LMX1A: variants seen among roughly 807,000 people sequenced by gnomAD.
LMX1A encodes the protein LIM homeobox transcription factor 1 alpha, also known as LIM homeobox transcription factor 1-alpha.
A neutral mutation model predicts 49.1 loss-of-function variants in LMX1A; 15 were observed. The observed-to-expected ratio is 0.31, with a 90% CI of 0.20 to 0.47. The LOEUF (loss-of-function observed/expected upper bound fraction) is 0.47, where lower values mean the gene tolerates loss of function less well. Among genes scored for constraint, LMX1A ranks in the 20% least tolerant of loss-of-function variants. The probability of loss-of-function intolerance (pLI) is 1.00; values close to 1 mark genes in which losing one functional copy is unlikely to be tolerated. For synonymous variants in LMX1A, 167 were observed against 185.7 expected (o/e 0.90, Z 0.82); for missense variants, 372 against 475.8 (o/e 0.78, Z 2.03).
intron 3 of LMX1A, among the ~76,000 whole-genome samples, chr1:165,335,826 G>A (rs1655880792): frequency 6.6e-6 from 1 of 151,696 alleles, no homozygotes; most frequent in South Asian, 2.1e-4. Flanking sequence ...TCTGATGTAT[G>A]TTTTTACTTT....
intron 3 of LMX1A, among the ~76,000 whole-genome samples, chr1:165,347,204 G>C (rs200782211): frequency 6.6e-6 from 1 of 152,132 alleles, no homozygotes; most frequent in African/African-American, 2.4e-5. Flanking sequence ...GGGAAAAAAG[G>C]CATCTTTTCT....
intron 3 of LMX1A, among the ~76,000 whole-genome samples, chr1:165,287,797 AACAG>A (rs937793129): frequency 6.6e-6 from 1 of 152,212 alleles, no homozygotes; most frequent in African/African-American, 2.4e-5. Context: ...AAAAATTAAA[AACAG>A]ACTGACGTAC....
intron 3 of LMX1A, among the ~76,000 whole-genome samples, chr1:165,279,243 C>T (rs947601884): frequency 6.6e-6 from 1 of 152,142 alleles, no homozygotes; most frequent in Non-Finnish European, 1.5e-5. Context: ...GAGAAATAAG[C>T]GGGTGGAGAC....
intron 3 of LMX1A, among the ~76,000 whole-genome samples, chr1:165,251,135 T>G (rs1440622759): frequency 6.7e-6 from 1 of 150,036 alleles, no homozygotes; most frequent in Non-Finnish European, 1.5e-5. Context: ...CAAGCTGGAG[T>G]GCAGTGGCGT....
chr1:165,348,918 C>A (rs1656331674), intron 3 of LMX1A, among the ~76,000 whole-genome samples: 1 of 152,160 alleles, frequency 6.6e-6, no homozygotes, highest in South Asian at 2.1e-4. Context: ...GAAAATTGGT[C>A]TTCTCCAAAA....
At chr1:165,275,547 A>G (rs889537672) in intron 3 of LMX1A, among the ~76,000 whole-genome samples, 3 of 152,032 alleles carry the variant, frequency 2.0e-5, no homozygotes, top group Non-Finnish European at 2.9e-5. Context: ...ATATATCCCT[A>G]CTGGGTTCCC....
chr1:165,319,086 G>A (rs536755219), intron 3 of LMX1A, among the ~76,000 whole-genome samples: 3 of 150,326 alleles, frequency 2.0e-5, no homozygotes, highest in Admixed American at 6.6e-5. Flanking sequence ...ACATGATAAA[G>A]AATGGCAATC....
intron 4 of LMX1A, among the ~76,000 whole-genome samples, chr1:165,237,090 C>T (rs976118291): frequency 1.3e-5 from 2 of 152,180 alleles, no homozygotes; most frequent in Non-Finnish European, 2.9e-5. Context: ...TCTATGTGTT[C>T]CACACCCCAA....
intron 3 of LMX1A, among the ~76,000 whole-genome samples, chr1:165,288,199 G>A (rs1654351597): frequency 6.6e-6 from 1 of 152,182 alleles, no homozygotes; most frequent in Non-Finnish European, 1.5e-5. Flanking sequence ...AGCTCTCCTG[G>A]GTTGGGCCTG....
At chr1:165,344,724 A>T (rs546442662) in intron 3 of LMX1A, among the ~76,000 whole-genome samples, 13 of 152,230 alleles carry the variant, frequency 8.5e-5, no homozygotes, top group Non-Finnish European at 1.5e-4. Context: ...AGCTCTTTAA[A>T]TCCAGGCCAT....
chr1:165,321,461 C>A (rs2101744248), intron 3 of LMX1A, among the ~76,000 whole-genome samples: 1 of 152,178 alleles, frequency 6.6e-6, no homozygotes, highest in Middle Eastern at 3.4e-3. Context: ...GTTTTGATTC[C>A]TCTCTCCTCT....
At chr1:165,204,412 A>T (rs1359346803) in intron 8 of LMX1A, among the ~76,000 whole-genome samples, 1 of 152,210 alleles carries the variant, frequency 6.6e-6, no homozygotes, top group African/African-American at 2.4e-5. Context: ...CAAAAAAACA[A>T]AACAAAAAGA....
intron 4 of LMX1A, among the ~76,000 whole-genome samples, chr1:165,229,809 T>G (rs1652177860): frequency 6.6e-6 from 1 of 152,144 alleles, no homozygotes; most frequent in Non-Finnish European, 1.5e-5. Flanking sequence ...TGGTTGTTAG[T>G]GGAGGGGGGC....
At position 165,250,250 on chromosome 1, in the gene LMX1A, TA is replaced by T. The variant is rs761830465; in HGVS notation, c.264-611del. Among the ~76,000 whole-genome samples, 417 of 151,002 alleles carry T rather than the reference TA, an allele frequency of 2.8e-3. 2 individuals are homozygous for T. Among genetic ancestry groups the T allele is most frequent in the African/African-American group, 9.5e-3 (390 of 41,174 alleles). On this transcript the variant is annotated intron_variant, in intron 3 of 8. Coordinates refer to ENST00000342310, the MANE Select transcript of LMX1A (RefSeq NM_177398.4). ...CAGAACTTAAAATAAAATTAAAAAT[TA>T]AAAAAAAAGAGGAGTATCTGAGTTA...
chr1:165,264,168 G>T (rs934306031), intron 3 of LMX1A, among the ~76,000 whole-genome samples: 2 of 151,962 alleles, frequency 1.3e-5, no homozygotes, highest in Non-Finnish European at 1.5e-5. Context: ...AGGAGGAATG[G>T]TGGAAGCCTG....
At chr1:165,245,968 A>T (rs1358870668) in intron 4 of LMX1A, among the ~76,000 whole-genome samples, 1 of 151,722 alleles carries the variant, frequency 6.6e-6, no homozygotes, top group Non-Finnish European at 1.5e-5. Context: ...ATTGATAAAA[A>T]GGTTAAGGAT....
intron 7 of LMX1A, among the ~76,000 whole-genome samples, chr1:165,206,658 A>G (rs1651094162): frequency 6.6e-6 from 1 of 152,086 alleles, no homozygotes. Flanking sequence ...TGAATTGCAC[A>G]GGGGTCCTGT....
intron 3 of LMX1A, among the ~76,000 whole-genome samples, chr1:165,322,864 C>G (rs749067930): frequency 6.6e-6 from 1 of 152,162 alleles, no homozygotes; most frequent in Non-Finnish European, 1.5e-5. Context: ...AACACCTAGA[C>G]TTTGAAAGCA....
intron 3 of LMX1A, among the ~76,000 whole-genome samples, chr1:165,305,893 C>A (rs1026508366): frequency 1.3e-5 from 2 of 152,118 alleles, no homozygotes; most frequent in African/African-American, 4.8e-5. Flanking sequence ...ACATGCAAAA[C>A]GAGCACAGCC....
Sources: allele counts gnomAD v4.1 joint callset (sites outside exome capture counted in the v4.1 genomes callset), GRCh38; gene constraint gnomAD v4.1.1; transcripts MANE v1.5; gene names NCBI Gene and HGNC (gene_info 2026-07-23, HGNC 2026-07-21).